The following SLC26A5 variants were observed in gnomAD, a reference collection of about 807,000 sequenced individuals.
SLC26A5 encodes prestin.
SLC26A5 carries 51 observed loss-of-function variants against 81.0 expected under a neutral mutation model. That is an observed-to-expected ratio of 0.63 (90% CI 0.50 to 0.80). SLC26A5 has a LOEUF of 0.80. SLC26A5 is among the 30% of genes least tolerant of loss of function. SLC26A5 has a pLI of 0.00. For synonymous variants in SLC26A5, 325 were observed against 332.8 expected (o/e 0.98, Z 0.25); for missense variants, 771 against 905.8 (o/e 0.85, Z 1.91).
chr7:103,427,200 A>C (rs1304989759), intron 2 of SLC26A5, among the ~76,000 whole-genome samples: 2 of 151,562 alleles, frequency 1.3e-5, no homozygotes, highest in Non-Finnish European at 2.9e-5. Context: ...CAGCCTCCCG[A>C]GTAGCTGGGA....
At chr7:103,395,878 G>C (rs925866156) in intron 9 of SLC26A5, among the ~76,000 whole-genome samples, 1 of 152,052 alleles carries the variant, frequency 6.6e-6, no homozygotes, top group Non-Finnish European at 1.5e-5. Flanking sequence ...AAGTAACATG[G>C]TTAGAAACTA....
intron 14 of SLC26A5, among the ~76,000 whole-genome samples, chr7:103,387,387 T>G (rs1822279422): frequency 6.6e-6 from 1 of 152,146 alleles, no homozygotes; most frequent in Non-Finnish European, 1.5e-5. Context: ...CAGTCACAAC[T>G]TTAAGGTTTC....
At chr7:103,445,575 C>G (rs1263757409) in intron 1 of SLC26A5, 1 of 152,236 alleles carries the variant, frequency 6.6e-6, no homozygotes. Context: ...CCTTGCCCGG[C>G]GCTGAGCGGA....
chr7:103,416,575 T>G (rs1824927378), intron 4 of SLC26A5, among the ~76,000 whole-genome samples: 1 of 152,224 alleles, frequency 6.6e-6, no homozygotes, highest in South Asian at 2.1e-4. Context: ...ACCAGTTCCC[T>G]TGCTTTTAGC....
chr7:103,424,240 G>A (rs1825561630), intron 2 of SLC26A5, among the ~76,000 whole-genome samples: 2 of 152,048 alleles, frequency 1.3e-5, no homozygotes, highest in Non-Finnish European at 2.9e-5. Flanking sequence ...CTGCTTTTCT[G>A]TGAGGTCTCC....
At position 103,374,442 on chromosome 7, in the gene SLC26A5, T is replaced by C; in HGVS notation, c.2192A>G (p.Glu731Gly). The C allele has an allele frequency of 6.2e-7, 1 of 1,612,862 alleles. No individual in the cohort carries two copies. The highest frequency in any genetic ancestry group is 8.5e-7 in the Non-Finnish European group (1 of 1,180,004). ...AGGAGTGGCATTGGGCTCCAAGTCCTCCTGGGAAGGGGGAGCCGAGGCTTC... is the reference window on the plus strand; with the variant it reads ...AGGAGTGGCATTGGGCTCCAAGTCCCCCTGGGAAGGGGGAGCCGAGGCTTC... ...EQEASAPPSQ[E>G]DLEPNATPAT... The change falls in exon 20 of 20, where the codon GAG becomes GGG. Residue 731 changes from glutamate (E) to glycine (G), a missense_variant. Transcript: ENST00000306312.
Position 103,391,696 on chromosome 7 carries a change from G to C in SLC26A5, c.1159C>G (p.Leu387Val), listed in dbSNP as rs1228311565. The C allele has an allele frequency of 8.1e-6, 13 of 1,614,034 alleles. No individual in the cohort carries two copies. The highest frequency in any genetic ancestry group is 1.0e-5 in the Non-Finnish European group (12 of 1,180,038). ...CATGAAATTGAAAAGGTCTGGAAGA[G>C]TGAGCCAATGGAATTGCACAGTCCC... ...ALGLCNSIGS[L>V]FQTFSISCSL... Residue 387 changes from leucine (L) to valine (V), a missense_variant, in exon 11 of 20, where the codon CTC becomes GTC. Physicochemically the swap from Leu to Val is conservative, Grantham distance 32. Transcript: ENST00000306312.
chr7:103,375,954 A>G (rs956395611), intron 19 of SLC26A5, among the ~76,000 whole-genome samples: 1 of 150,072 alleles, frequency 6.7e-6, no homozygotes, highest in Admixed American at 6.6e-5. Flanking sequence ...ATGGGGTTTC[A>G]CCGTGTTAGC....
At chr7:103,404,528 T>G (rs1343565407) in intron 8 of SLC26A5, among the ~76,000 whole-genome samples, 1 of 152,230 alleles carries the variant, frequency 6.6e-6, no homozygotes, top group Non-Finnish European at 1.5e-5. Flanking sequence ...TTCTGGCTTG[T>G]AGGGTGTCTG....
intron 14 of SLC26A5, among the ~76,000 whole-genome samples, chr7:103,386,707 C>T (rs551147130): frequency 1.3e-5 from 2 of 152,014 alleles, no homozygotes; most frequent in African/African-American, 4.8e-5. Context: ...AACACCACCA[C>T]CAGCAAAAAA....
At chr7:103,413,252 C>G (rs192673549) in intron 4 of SLC26A5, 140 bp from the exon 5 acceptor site, 6 of 688,634 alleles carry the variant, frequency 8.7e-6, no homozygotes, top group South Asian at 7.8e-5. Context: ...TACCCCAGTC[C>G]TGCACATCAT....
At chr7:103,399,916 C>A (rs1823442721) in intron 8 of SLC26A5, among the ~76,000 whole-genome samples, 1 of 152,120 alleles carries the variant, frequency 6.6e-6, no homozygotes, top group African/African-American at 2.4e-5. Flanking sequence ...TTTTTTATGG[C>A]TGCATAGTAT....
chr7:103,364,228 C>T (rs1239171805), intron 19 of SLC26A5: 2 of 1,614,146 alleles, frequency 1.2e-6, no homozygotes, highest in Admixed American at 1.7e-5. Context: ...ACACTCTGTG[C>T]GCGGGCAGTT....
chr7:103,374,746 C>G (rs1443705628), intron 19 of SLC26A5, among the ~76,000 whole-genome samples, 154 bp from the exon 20 acceptor site: 1 of 148,730 alleles, frequency 6.7e-6, no homozygotes. Flanking sequence ...GTCACCCAGG[C>G]TGGAGAGTAG....
chr7:103,382,418 T>C (rs1334895368), intron 14 of SLC26A5, among the ~76,000 whole-genome samples: 2 of 150,574 alleles, frequency 1.3e-5, no homozygotes, highest in African/African-American at 2.5e-5. Context: ...GGTGCAATCT[T>C]GGCTCATTGC....
intron 19 of SLC26A5, chr7:103,366,156 T>C (rs1170894116): frequency 6.2e-7 from 1 of 1,611,900 alleles, no homozygotes; most frequent in African/African-American, 1.3e-5. Context: ...AAATTGATGC[T>C]ATTGGAGGTG....
Position 103,367,367 on chromosome 7 carries a change from C to A in SLC26A5, c.2041+9441G>T. ...TACTTTCAGGTCATGCATAGTGCTA[C>A]TCTTGAGTGGACTTGAAGAGCTTAT... On this transcript the variant is annotated intron_variant, in intron 19 of 19. Coordinates refer to the SLC26A5 transcript ENST00000339444. This position sits in a 1 kb window ranked among gnomAD's most constrained non-coding sequence, Gnocchi z 6.1. 1.9e-6 allele frequency: 3 copies of A among 1,593,160 alleles called. No homozygotes were observed. In the East Asian group the frequency reaches 6.7e-5, roughly 36 times the overall value.
At chr7:103,379,376 T>G in intron 15 of SLC26A5, 41 bp from the exon 16 acceptor site, 1 of 1,344,248 alleles carries the variant, frequency 7.4e-7, no homozygotes, top group South Asian at 1.2e-5. Context: ...CATGGAAATA[T>G]TTCAGAATCA....
chr7:103,426,858 G>T (rs1282041556), intron 2 of SLC26A5, among the ~76,000 whole-genome samples: 1 of 152,142 alleles, frequency 6.6e-6, no homozygotes, highest in East Asian at 1.9e-4. Context: ...CCAGTGTGCT[G>T]ATTGAAATTA....
Sources: allele counts gnomAD v4.1 joint callset (sites outside exome capture counted in the v4.1 genomes callset), GRCh38; gene constraint gnomAD v4.1.1; non-coding constraint Gnocchi (gnomAD v3.1); transcripts MANE v1.5; gene names NCBI Gene and HGNC (gene_info 2026-07-23, HGNC 2026-07-21).